DMBT1: variants seen among roughly 807,000 people sequenced by gnomAD.
DMBT1 encodes scavenger receptor cysteine-rich domain-containing protein DMBT1.
A neutral mutation model predicts 252.9 loss-of-function variants in DMBT1; 198 were observed. The ratio of observed to expected loss-of-function variants is 0.78; its 90% CI spans 0.70 to 0.88. DMBT1 has a LOEUF of 0.88. DMBT1 is among the 40% of genes least tolerant of loss of function. The pLI, the probability that DMBT1 is intolerant of heterozygous loss-of-function variation, is 0.00. For missense variants in DMBT1, 2,432 were observed against 2,404.7 expected (o/e 1.01, Z -0.24); for synonymous variants, 990 against 942.7 (o/e 1.05, Z -0.92).
rs749045338 is a variant in DMBT1, at chr10:122,631,086, G to T, written c.6151G>T (p.Val2051Leu). The T allele has an allele frequency of 3.1e-6, 5 of 1,613,992 alleles. No homozygotes were observed. In the South Asian group the frequency reaches 5.5e-5, roughly 18 times the overall value. ...CTCCTGGACCATTCAGGAAGCTGAG[G>T]TGGTCTGCAGACAGCTAGGGTGTGG... is the stretch of plus-strand genomic sequence containing the variant. ...DDSWTIQEAE[V>L]VCRQLGCGRA... The change falls in exon 49 of 56, where the codon GTG becomes TTG. Residue 2051 changes from valine (V) to leucine (L), a missense_variant. Transcript: ENST00000338354.
chr10:122,562,431 T>C (rs7072966), intron 1 of DMBT1, among the ~76,000 whole-genome samples: 107,455 of 151,924 alleles, frequency 0.71, 38,065 homozygotes, highest in Admixed American at 0.76. Flanking sequence ...CTGTGATGAG[T>C]GTGTGGAGGG....
Position 122,643,587 on chromosome 10 carries a change from AGGG to A in DMBT1, c.*190_*192del. ...TCATGGTCCTTGGAGGACCCGTTGC[AGGG>A]TGAGGTCAAGAGAGTTCTGACCTGG... On this transcript the variant is annotated 3_prime_UTR_variant, in exon 56 of 56. Coordinates refer to ENST00000338354, the MANE Select transcript of DMBT1 (RefSeq NM_001377530.1). 2.4e-6 allele frequency: 2 copies of A among 828,374 alleles called. No individual in the cohort carries two copies. Among genetic ancestry groups the A allele is most frequent in the Non-Finnish European group, 3.7e-6 (2 of 546,140 alleles). The allele number at this position is 828,374 out of a possible 1,614,324, so 51.3% of individuals were successfully genotyped here.
intron 15 of DMBT1, 118 bp from the exon 16 acceptor site, chr10:122,585,942 A>G: frequency 6.5e-7 from 1 of 1,527,762 alleles, no homozygotes; most frequent in Non-Finnish European, 8.8e-7. Flanking sequence ...TTCATATTCA[A>G]AGGTGACTGC....
chr10:122,598,616 G>C (rs773786243), intron 25 of DMBT1, among the ~76,000 whole-genome samples, 158 bp from the exon 26 acceptor site: 2 of 152,176 alleles, frequency 1.3e-5, no homozygotes, highest in Non-Finnish European at 2.9e-5. Flanking sequence ...CTGCTTCTTT[G>C]ACTTTGATGA....
chr10:122,633,175 C>T lies in DMBT1; in HGVS notation c.6398-16C>T. On this transcript the variant is annotated splice_polypyrimidine_tract_variant and intron_variant, in intron 51 of 55. Transcript: ENST00000338354. ...GCTCTGGGGGTCACCGACATTCCCA[C>T]TTTTTGTCCTGACAGCAGATTATTC... 1.9e-6 allele frequency: 3 copies of T among 1,613,376 alleles called. No individual in the cohort carries two copies. The highest frequency in any genetic ancestry group is 2.5e-6 in the Non-Finnish European group (3 of 1,179,514).
intron 9 of DMBT1, 124 bp downstream of exon 9, chr10:122,578,883 G>A (rs1260015458): frequency 2.1e-6 from 2 of 949,358 alleles, no homozygotes; most frequent in Non-Finnish European, 1.6e-6. Flanking sequence ...TGGGAGGGTG[G>A]CAGCAGGTGA....
intron 28 of DMBT1, 98 bp downstream of exon 28, chr10:122,601,121 T>C: frequency 2.0e-6 from 1 of 498,526 alleles, no homozygotes; most frequent in South Asian, 2.1e-5. Context: ...CCCCTCTTTT[T>C]TCACTCCCCT....
chr10:122,575,571 G>A (rs987352076), intron 6 of DMBT1, among the ~76,000 whole-genome samples: 1 of 152,152 alleles, frequency 6.6e-6, no homozygotes, highest in Non-Finnish European at 1.5e-5. Flanking sequence ...ATTGGCAAAA[G>A]CAGAGACTAC....
Position 122,631,161 on chromosome 10 carries a change from C to T in DMBT1, c.6226C>T (p.Pro2076Ser). 2 of 1,614,000 alleles carry T rather than the reference C, an allele frequency of 1.2e-6. No homozygotes were observed. The highest frequency in any genetic ancestry group is 2.2e-5 in the East Asian group (1 of 44,868). Residue 2076 changes from proline to serine, a missense_variant, in exon 49 of 56, where the codon CCC becomes TCC. This residue lies in a region of DMBT1 where 1,162 missense variants were observed against 1,169.0 expected (regional missense o/e 0.99). Transcript: ENST00000338354. ...TGCATATTTTGGCTCTGGCTCTGGC[C>T]CCATCACCCTGGACGATGTAGAGTG... ...GNAYFGSGSG[P>S]ITLDDVECSG... is the part of the protein sequence containing the mutation.
intron 45 of DMBT1, 27 bp from the exon 46 acceptor site, chr10:122,625,906 C>T (rs1207924805): frequency 2.5e-6 from 4 of 1,597,278 alleles, no homozygotes; most frequent in South Asian, 1.1e-5. Flanking sequence ...CTACTAAAAT[C>T]CTAAACAGCT....
At position 122,589,509 on chromosome 10, in the gene DMBT1, C is replaced by T. The variant is rs552642212; in HGVS notation, c.2107+242C>T. On this transcript the variant is annotated intron_variant, in intron 17 of 55. Coordinates refer to ENST00000338354, the MANE Select transcript of DMBT1 (RefSeq NM_001377530.1). ...TGCCTTTGTTCCCCTACCAAGGCAG[C>T]GCAAGCAGAGGGAGAAGAGGAAAGG... 8.2e-4 allele frequency among the ~76,000 whole-genome samples: 122 copies of T among 148,094 alleles called. 2 individuals carry two copies. Among genetic ancestry groups the T allele is most frequent in the African/African-American group, 3.0e-3 (122 of 41,116 alleles).
chr10:122,562,955 A>G (rs1013407275), intron 1 of DMBT1, among the ~76,000 whole-genome samples: 17 of 152,246 alleles, frequency 1.1e-4, no homozygotes, highest in African/African-American at 3.9e-4. Flanking sequence ...ATCTGGATCA[A>G]ATTCACTAGC....
intron 44 of DMBT1, among the ~76,000 whole-genome samples, chr10:122,624,154 C>T (rs963869868): frequency 7.2e-5 from 11 of 152,084 alleles, no homozygotes; most frequent in African/African-American, 2.7e-4. Flanking sequence ...CAGCTGGGAG[C>T]TGGTCTCGGT....
Position 122,636,209 on chromosome 10 carries a change from C to T in DMBT1, c.6757+10C>T. 2 of 1,608,270 alleles carry T rather than the reference C, an allele frequency of 1.2e-6. No individual in the cohort carries two copies. The highest frequency in any genetic ancestry group is 1.7e-6 in the Non-Finnish European group (2 of 1,175,436). On this transcript the variant is annotated intron_variant, in intron 53 of 55. Transcript: ENST00000338354. Reference sequence around the variant, plus strand: ...TCCAATGACAGCACCAGTAAGTCCCCTTGTGGAAATGCTCTGTTGGGACTG... The same window carrying T: ...TCCAATGACAGCACCAGTAAGTCCCTTTGTGGAAATGCTCTGTTGGGACTG...
At chr10:122,641,969 C>G (rs1844619709) in intron 55 of DMBT1, among the ~76,000 whole-genome samples, 1 of 152,140 alleles carries the variant, frequency 6.6e-6, no homozygotes, top group Non-Finnish European at 1.5e-5. Flanking sequence ...TTTAAAAAAT[C>G]TTGAGTGATT....
rs191962190 is a variant in DMBT1 at position 122,579,639 on chromosome 10, G to A, written c.741G>A (p.Val247=). ...VNGGDRCRGR[V]EVLYRGSWGT... is the part of the protein sequence containing the mutation. ...GAGGCGACAGGTGTCGAGGCCGAGTGGAGGTCCTATACCGAGGCTCCTGGG... is the reference window on the plus strand; with the variant it reads ...GAGGCGACAGGTGTCGAGGCCGAGTAGAGGTCCTATACCGAGGCTCCTGGG... The change falls in exon 10 of 56, where the codon GTG becomes GTA. Residue 247 remains valine, a synonymous_variant. Transcript: ENST00000338354. 8.7e-5 allele frequency: 140 copies of A among 1,613,736 alleles called. No individual in the cohort carries two copies. In the African/African-American group the frequency reaches 1.3e-3, roughly 15 times the overall value.
chr10:122,574,674 A>AAGAGGAGAATCTGTTCCTTCCTCTT (rs2097696298), intron 6 of DMBT1, among the ~76,000 whole-genome samples: 1 of 152,172 alleles, frequency 6.6e-6, no homozygotes, highest in Non-Finnish European at 1.5e-5. Context: ...CAGCAGCTAT[A>AAGAGGAGAATCTGTTCCTTCCTCTT]AGAGGAGAAT....
rs780428596 is a variant in DMBT1, at chr10:122,593,565, A to C, written c.2501-4A>C. 1 of 1,585,056 alleles carries C rather than the reference A, an allele frequency of 6.3e-7. No individual in the cohort carries two copies. The highest frequency in any genetic ancestry group is 8.6e-7 in the Non-Finnish European group (1 of 1,164,152). ...GATCTGACCTTCTCTTCTCTTTCTC[A>C]CAGTTTCCCAGTCCCGGCCGACACC... On this transcript the variant is annotated splice_polypyrimidine_tract_variant and splice_region_variant and intron_variant, in intron 20 of 55. Coordinates refer to ENST00000338354, the MANE Select transcript of DMBT1 (RefSeq NM_001377530.1).
At chr10:122,632,713 G>A (rs921999262) in intron 50 of DMBT1, 148 bp from the exon 51 acceptor site, 2 of 965,254 alleles carry the variant, frequency 2.1e-6, no homozygotes, top group African/African-American at 1.6e-5. Context: ...CCTCCCCAAA[G>A]GCAAGTGAGC....
Sources: allele counts gnomAD v4.1 joint callset (sites outside exome capture counted in the v4.1 genomes callset), GRCh38; gene constraint gnomAD v4.1.1; regional missense constraint gnomAD v4.1.1; transcripts MANE v1.5; gene names NCBI Gene and HGNC (gene_info 2026-07-23, HGNC 2026-07-21).